The following NRG3 variants were observed in gnomAD, a reference collection of about 807,000 sequenced individuals.
The protein encoded by NRG3 is neuregulin 3.
Under a neutral mutation model 66.9 loss-of-function variants are expected in NRG3, and 31 were observed. That is an observed-to-expected ratio of 0.46 (90% confidence interval 0.35 to 0.63). The LOEUF (loss-of-function observed/expected upper bound fraction) is 0.63, where lower values mean the gene tolerates loss of function less well. Among genes scored for constraint, NRG3 ranks in the 20% least tolerant of loss-of-function variants. The pLI, the probability that NRG3 is intolerant of heterozygous loss-of-function variation, is 0.00. For synonymous variants in NRG3, 393 were observed against 359.4 expected, an observed-to-expected ratio of 1.09 and a Z score of -1.06; for missense variants, 910 against 878.9, an observed-to-expected ratio of 1.04 and a Z score of -0.45.
intron 2 of NRG3, among the ~76,000 whole-genome samples, chr10:82,477,142 G>C (rs1028884546): frequency 2.0e-5 from 3 of 152,040 alleles, no homozygotes; most frequent in Admixed American, 6.6e-5. Context: ...GATTCCATAT[G>C]GAGAACCATG....
intron 2 of NRG3, among the ~76,000 whole-genome samples, chr10:82,661,105 G>A (rs759934523): frequency 2.0e-5 from 3 of 152,034 alleles, no homozygotes; most frequent in Non-Finnish European, 4.4e-5. Flanking sequence ...CAGATCATAT[G>A]CTAATTGCTG....
At chr10:82,483,829 A>T (rs1048535018) in intron 2 of NRG3, among the ~76,000 whole-genome samples, 35 of 152,148 alleles carry the variant, frequency 2.3e-4, no homozygotes, top group African/African-American at 8.2e-4. Flanking sequence ...TTTGCCTGCT[A>T]GTGTATGGGC....
intron 1 of NRG3, among the ~76,000 whole-genome samples, chr10:82,312,527 T>C (rs1028524276): frequency 2.6e-5 from 4 of 152,200 alleles, no homozygotes; most frequent in Admixed American, 2.0e-4. Flanking sequence ...GCCGTGAAAG[T>C]TTGGGCCTGA....
intron 3 of NRG3, among the ~76,000 whole-genome samples, chr10:82,744,876 G>T (rs1239781741): frequency 6.6e-6 from 1 of 152,080 alleles, no homozygotes; most frequent in African/African-American, 2.4e-5. Flanking sequence ...CATTGTGAGA[G>T]CTCAATAAAT....
intron 1 of NRG3, among the ~76,000 whole-genome samples, chr10:82,237,893 G>C (rs1055289634): frequency 5.9e-5 from 9 of 152,062 alleles, no homozygotes; most frequent in Admixed American, 5.9e-4. Context: ...CATTTTAATT[G>C]TCAAAGAGCT....
intron 1 of NRG3, among the ~76,000 whole-genome samples, chr10:82,064,130 T>A (rs1225553308): frequency 1.3e-5 from 2 of 152,184 alleles, no homozygotes; most frequent in African/African-American, 4.8e-5. Flanking sequence ...GGTTTGGAAT[T>A]GTATCAGTGA....
chr10:82,038,740 C>T (rs1189413053), intron 1 of NRG3, among the ~76,000 whole-genome samples: 8 of 152,222 alleles, frequency 5.3e-5, no homozygotes, highest in South Asian at 4.1e-4. Context: ...GGGACTACCA[C>T]CTGAACATTT....
chr10:82,081,990 T>G lies in NRG3; in HGVS notation c.823+205827T>G, dbSNP rs554654369. ...GGGCGACATAGCTTGAGCCCATATC[T>G]AAAACCAAAAATAAGTGATAATAAA... On this transcript the variant is annotated intron_variant, in intron 1 of 8. Coordinates refer to ENST00000372141, the MANE Select transcript of NRG3 (RefSeq NM_001010848.4). Among the ~76,000 whole-genome samples the G allele has an allele frequency of 1.1e-4, 17 of 152,320 alleles. No individual in the cohort carries two copies. The South Asian group carries it at 2.7e-3, about 24-fold the overall frequency.
chr10:81,971,010 G>A (rs968166453), intron 1 of NRG3, among the ~76,000 whole-genome samples: 4 of 152,044 alleles, frequency 2.6e-5, no homozygotes, highest in African/African-American at 4.8e-5. Context: ...CATGGTGGTG[G>A]GCCCCTGTAA....
chr10:82,601,801 G>T (rs2047647259), intron 2 of NRG3, among the ~76,000 whole-genome samples: 1 of 147,198 alleles, frequency 6.8e-6, no homozygotes, highest in Non-Finnish European at 1.5e-5. Context: ...CTTGAAGTCA[G>T]GAGTTTCAGA....
intron 2 of NRG3, among the ~76,000 whole-genome samples, chr10:82,682,426 T>TAGAC (rs2054175670): frequency 6.6e-6 from 1 of 152,066 alleles, no homozygotes; most frequent in African/African-American, 2.4e-5. Flanking sequence ...GATAGATAGA[T>TAGAC]AGATAGATAG....
At chr10:82,425,597 TTTTA>T (rs1379708615) in intron 2 of NRG3, among the ~76,000 whole-genome samples, 1 of 152,160 alleles carries the variant, frequency 6.6e-6, no homozygotes, top group Non-Finnish European at 1.5e-5. Flanking sequence ...AGGCTGTGTT[TTTTA>T]TTTGTTTATT....
intron 1 of NRG3, among the ~76,000 whole-genome samples, chr10:82,124,614 A>T (rs1237914658): frequency 6.6e-6 from 1 of 151,740 alleles, no homozygotes; most frequent in South Asian, 2.1e-4. Flanking sequence ...TACCTAATGC[A>T]TGAGGGGCTT....
chr10:82,973,976 A>G, intron 7 of NRG3, 61 bp downstream of exon 7: 1 of 1,592,846 alleles, frequency 6.3e-7, no homozygotes, highest in African/African-American at 1.3e-5. Flanking sequence ...GCTGGGTGGC[A>G]CATGCCAAGG....
At chr10:82,706,004 G>T (rs1591248877) in intron 2 of NRG3, among the ~76,000 whole-genome samples, 1 of 152,108 alleles carries the variant, frequency 6.6e-6, no homozygotes, top group Non-Finnish European at 1.5e-5. Context: ...ATTTTGTGCT[G>T]CCTGGAGTTC....
chr10:82,222,711 G>A (rs1366311325), intron 1 of NRG3, among the ~76,000 whole-genome samples: 2 of 152,092 alleles, frequency 1.3e-5, no homozygotes, highest in Non-Finnish European at 2.9e-5. Context: ...TGTATCCACC[G>A]TGTTTTCCCT....
At chr10:82,739,191 T>TC (rs1200702414) in intron 3 of NRG3, among the ~76,000 whole-genome samples, 6 of 152,204 alleles carry the variant, frequency 3.9e-5, no homozygotes, top group African/African-American at 1.4e-4. Context: ...AATTATTTTT[T>TC]CTCCATTCAT....
chr10:82,918,115 CT>C (rs973544523), intron 4 of NRG3, among the ~76,000 whole-genome samples: 5 of 151,730 alleles, frequency 3.3e-5, no homozygotes, highest in Admixed American at 1.3e-4. Flanking sequence ...CATTTTCCCC[CT>C]GAAATATGCT....
chr10:82,279,657 G>T (rs1382330328), intron 1 of NRG3, among the ~76,000 whole-genome samples: 2 of 152,138 alleles, frequency 1.3e-5, no homozygotes, highest in African/African-American at 4.8e-5. Context: ...CAACGAACAC[G>T]GAGTGAAAGA....
Sources: allele counts gnomAD v4.1 joint callset (sites outside exome capture counted in the v4.1 genomes callset), GRCh38; gene constraint gnomAD v4.1.1; transcripts MANE v1.5; gene names NCBI Gene and HGNC (gene_info 2026-07-23, HGNC 2026-07-21).